Variants in AP1M1 observed in about 807,000 individuals in gnomAD.
AP1M1 encodes the protein AP-1 complex subunit mu-1.
A neutral mutation model predicts 57.1 loss-of-function variants in AP1M1; 18 were observed. The ratio of observed to expected loss-of-function variants is 0.32; its 90% CI spans 0.22 to 0.47. AP1M1 has a LOEUF of 0.47. Ranked by LOEUF, AP1M1 falls within the 20% of genes least tolerant of loss-of-function variation. The pLI is 1.00. For missense variants in AP1M1, 362 were observed against 593.5 expected, an observed-to-expected ratio of 0.61 and a Z score of 4.05; for synonymous variants, 241 against 237.9, an observed-to-expected ratio of 1.01 and a Z score of -0.12.
rs2091575479 is a variant in AP1M1, at chr19:16,227,293, C to T, written c.674-255C>T. ...AACGTGTCCTGAGCAGGTCCCCTGGCTGGGCCCTGGGATGGCCGCTGGGGA... is the reference window on the plus strand; with the variant it reads ...AACGTGTCCTGAGCAGGTCCCCTGGTTGGGCCCTGGGATGGCCGCTGGGGA... On this transcript the variant is annotated intron_variant, in intron 6 of 11. Coordinates refer to ENST00000291439, the MANE Select transcript of AP1M1 (RefSeq NM_032493.4). The surrounding 1 kb of genome is among the most constrained non-coding windows in gnomAD (Gnocchi z 6.2). 8.0e-6 allele frequency among the ~76,000 whole-genome samples: 1 copy of T among 124,948 alleles called. No individual in the cohort carries two copies. The highest frequency in any genetic ancestry group is 2.5e-5 in the African/African-American group (1 of 39,800). 82.0% of individuals were successfully genotyped at this position (124,948 alleles called of 152,430 possible).
chr19:16,217,586 G>T (rs2091524374), intron 5 of AP1M1, among the ~76,000 whole-genome samples: 1 of 152,122 alleles, frequency 6.6e-6, no homozygotes, highest in Non-Finnish European at 1.5e-5. Context: ...CCGCCCCCAA[G>T]AGGTACCTGG....
Position 16,245,240 on chromosome 19 carries a change from T to G in AP1M1, c.*10805T>G, listed in dbSNP as rs1024124664. Reference sequence around the variant, plus strand: ...TATGCATTTTACTATCTAAGGGAGCTAAAACATTTTTATTATTTTAGCACT... The same window carrying G: ...TATGCATTTTACTATCTAAGGGAGCGAAAACATTTTTATTATTTTAGCACT... On this transcript the variant is annotated 3_prime_UTR_variant, in exon 12 of 12. Coordinates refer to ENST00000291439, the MANE Select transcript of AP1M1 (RefSeq NM_032493.4). 3 of 152,116 alleles carry G rather than the reference T, an allele frequency of 2.0e-5. No individual in the cohort carries two copies. Among genetic ancestry groups the G allele is most frequent in the Non-Finnish European group, 4.4e-5 (3 of 68,044 alleles). The allele number at this position is 152,116 out of a possible 1,614,324, so 9.4% of individuals were successfully genotyped here.
chr19:16,199,332 A>G (rs961071237), intron 1 of AP1M1, among the ~76,000 whole-genome samples: 14 of 152,210 alleles, frequency 9.2e-5, no homozygotes, highest in African/African-American at 3.1e-4. Context: ...CATCTTCCCC[A>G]GAGGATCTGA....
intron 5 of AP1M1, among the ~76,000 whole-genome samples, chr19:16,216,884 G>A (rs2091521148): frequency 6.6e-6 from 1 of 152,276 alleles, no homozygotes; most frequent in South Asian, 2.1e-4. Flanking sequence ...TCATAGGGTA[G>A]TGGCAGCAGG....
chr19:16,238,300 G>A lies in AP1M1; in HGVS notation c.*3865G>A, dbSNP rs571433792. The A allele has an allele frequency of 7.1e-5, 7 of 99,076 alleles. No homozygotes were observed. Among genetic ancestry groups the A allele is most frequent in the African/African-American group, 1.3e-4 (5 of 38,402 alleles). 6.1% of individuals were successfully genotyped at this position (99,076 alleles called of 1,614,324 possible). A position where few individuals can be genotyped will look rare whatever the true frequency, so the allele number is the denominator to read the frequency against. On this transcript the variant is annotated 3_prime_UTR_variant, in exon 12 of 12. Transcript: ENST00000291439. ...TATATAGAGAAATATCAGGTGTACAGTTACACTTACAGCAGCATAGTTCAT... is the reference window on the plus strand; with the variant it reads ...TATATAGAGAAATATCAGGTGTACAATTACACTTACAGCAGCATAGTTCAT...
intron 9 of AP1M1, among the ~76,000 whole-genome samples, chr19:16,231,794 C>CCAAA (rs2091599960): frequency 1.3e-5 from 2 of 152,150 alleles, no homozygotes; most frequent in African/African-American, 4.8e-5. Flanking sequence ...TGGGTGTATC[C>CCAAA]CCAGAAGTGG....
At position 16,234,463 on chromosome 19, in the gene AP1M1, T is replaced by G. The variant is rs567076354; in HGVS notation, c.*28T>G. 5 of 1,612,888 alleles carry G rather than the reference T, an allele frequency of 3.1e-6. No homozygotes were observed. Among genetic ancestry groups the G allele is most frequent in the Non-Finnish European group, 4.2e-6 (5 of 1,179,792 alleles). ...GGCTGTCGCAGCCAACACCCCGGCC[T>G]CGGGGCTCCTGGTGGCAGCACCAGG... is the stretch of plus-strand genomic sequence containing the variant. On this transcript the variant is annotated 3_prime_UTR_variant, in exon 12 of 12. Transcript: ENST00000291439.
chr19:16,234,049 G>A (rs1040705193), intron 10 of AP1M1, 150 bp from the exon 11 acceptor site: 20 of 753,936 alleles, frequency 2.7e-5, no homozygotes, highest in Admixed American at 8.8e-5. Context: ...GCATGGTCCA[G>A]ACAAATCCCT....
chr19:16,197,978 C>T lies in AP1M1; in HGVS notation c.-49C>T. 1.1e-5 allele frequency: 17 copies of T among 1,525,874 alleles called. No individual in the cohort carries two copies. The highest frequency in any genetic ancestry group is 1.5e-5 in the Non-Finnish European group (17 of 1,135,690). The allele number at this position is 1,525,874 out of a possible 1,614,324, so 94.5% of individuals were successfully genotyped here. On this transcript the variant is annotated 5_prime_UTR_variant, in exon 1 of 12. Coordinates refer to ENST00000291439, the MANE Select transcript of AP1M1 (RefSeq NM_032493.4). The stretch of plus-strand genomic sequence containing the variant: ...CAACGCCCAGCAGTCCCCACCGTCG[C>T]TGCCGCCGCCACCGCCCTCGGCCGC...
chr19:16,234,167 C>G, intron 10 of AP1M1, 32 bp from the exon 11 acceptor site: 5 of 1,596,582 alleles, frequency 3.1e-6, no homozygotes, highest in Non-Finnish European at 3.4e-6. Flanking sequence ...CGGGAGCCTG[C>G]GGTGCTCAGG....
chr19:16,214,022 TG>T (rs1416020626), intron 5 of AP1M1, among the ~76,000 whole-genome samples: 5 of 151,576 alleles, frequency 3.3e-5, no homozygotes, highest in African/African-American at 1.2e-4. Context: ...GTTTTTGTAG[TG>T]GCTAGTAATG....
chr19:16,243,174 A>T lies in AP1M1; in HGVS notation c.*8739A>T, dbSNP rs954132607. ...TATTAGAGTTCCCACTCTCTGAGGAATTTTCAAGAGAAATTAGTTAGAATT... is the reference window on the plus strand; with the variant it reads ...TATTAGAGTTCCCACTCTCTGAGGATTTTTCAAGAGAAATTAGTTAGAATT... On this transcript the variant is annotated 3_prime_UTR_variant, in exon 12 of 12. Coordinates refer to ENST00000291439, the MANE Select transcript of AP1M1 (RefSeq NM_032493.4). 9.9e-5 allele frequency: 15 copies of T among 152,234 alleles called. No homozygotes were observed. Among genetic ancestry groups the T allele is most frequent in the Non-Finnish European group, 4.4e-5 (3 of 68,040 alleles). 9.4% of individuals were successfully genotyped at this position (152,234 alleles called of 1,614,324 possible). A position where few individuals can be genotyped will look rare whatever the true frequency, so the allele number is the denominator to read the frequency against.
chr19:16,200,991 A>G (rs1186176572), intron 1 of AP1M1, among the ~76,000 whole-genome samples: 1 of 152,060 alleles, frequency 6.6e-6, no homozygotes. Flanking sequence ...CTGGAGATCT[A>G]GTGGCCTCTG....
chr19:16,226,028 G>A lies in AP1M1; in HGVS notation c.547-393G>A, dbSNP rs544946416. ...CAGCGTGGGGACCAGCTGCCGGGCC[G>A]GCCCGGAGCATTCAGGGGGCTCCTG... On this transcript the variant is annotated intron_variant, in intron 5 of 11. Transcript: ENST00000291439. Among the ~76,000 whole-genome samples the A allele has an allele frequency of 7.5e-3, 1,146 of 152,258 alleles. 11 individuals are homozygous for A. The highest frequency in any genetic ancestry group is 0.011 in the Non-Finnish European group (780 of 68,004).
chr19:16,209,326 A>G, intron 5 of AP1M1, 149 bp downstream of exon 5: 2 of 850,752 alleles, frequency 2.4e-6, no homozygotes, highest in Non-Finnish European at 3.6e-6. Flanking sequence ...TTGAAATGTG[A>G]GTTTGTCTTA....
intron 5 of AP1M1, 174 bp downstream of exon 5, chr19:16,209,351 G>C: frequency 1.5e-6 from 1 of 676,440 alleles, no homozygotes; most frequent in Non-Finnish European, 2.3e-6. Context: ...TTTTTTTTGA[G>C]ACGGAATCTC....
Position 16,233,525 on chromosome 19 carries a change from C to A in AP1M1, c.1080C>A (p.Phe360Leu). Residue 360 changes from phenylalanine to leucine, a missense_variant, in exon 10 of 12, where the codon TTC (phenylalanine) becomes TTA (leucine). Transcript: ENST00000291439. The part of the protein sequence containing the change: ...GGKEYLMRAH[F>L]GLPSVEAEDK... The stretch of plus-strand genomic sequence containing the variant: ...AGGAGTACCTGATGCGGGCCCACTT[C>A]GGCCTGCCTAGTGTGGAGGCCGAAG... The A allele has an allele frequency of 6.2e-7, 1 of 1,605,356 alleles. No individual in the cohort carries two copies. Among genetic ancestry groups the A allele is most frequent in the South Asian group, 1.1e-5 (1 of 89,514 alleles).
chr19:16,199,397 C>G (rs985407552), intron 1 of AP1M1, among the ~76,000 whole-genome samples: 5 of 152,196 alleles, frequency 3.3e-5, no homozygotes, highest in Admixed American at 3.3e-4. Flanking sequence ...TCTGCCTTCT[C>G]CTAAGTCCAT....
At chr19:16,224,245 A>C (rs929744568) in intron 5 of AP1M1, among the ~76,000 whole-genome samples, 3 of 152,220 alleles carry the variant, frequency 2.0e-5, no homozygotes, top group Admixed American at 6.5e-5. Flanking sequence ...AGCCGAAAAC[A>C]GGGTCCATCT....
Sources: allele counts gnomAD v4.1 joint callset (sites outside exome capture counted in the v4.1 genomes callset), GRCh38; gene constraint gnomAD v4.1.1; non-coding constraint Gnocchi (gnomAD v3.1); transcripts MANE v1.5; gene names NCBI Gene and HGNC (gene_info 2026-07-23, HGNC 2026-07-21).